Variants in GNAQ observed in about 807,000 individuals in gnomAD.
The protein encoded by GNAQ is G protein subunit alpha q, also known as guanine nucleotide-binding protein G(q) subunit alpha.
GNAQ carries 8 observed loss-of-function variants against 43.9 expected under a neutral mutation model. The ratio of observed to expected loss-of-function variants is 0.18; its 90% CI spans 0.11 to 0.33. GNAQ has a LOEUF of 0.33. Among genes scored for constraint, GNAQ ranks in the 10% least tolerant of loss-of-function variants. The pLI is 1.00. For synonymous variants in GNAQ, 155 were observed against 170.7 expected, an observed-to-expected ratio of 0.91 and a Z score of 0.71; for missense variants, 158 against 450.8, an observed-to-expected ratio of 0.35 and a Z score of 5.88.
At chr9:77,831,217 C>G (rs1827293045) in intron 2 of GNAQ, among the ~76,000 whole-genome samples, 1 of 152,154 alleles carries the variant, frequency 6.6e-6, no homozygotes, top group East Asian at 1.9e-4. Context: ...ACAAATTAAT[C>G]ATTTTTTAAA....
chr9:77,989,456 AG>A (rs1823482167), intron 1 of GNAQ, among the ~76,000 whole-genome samples: 1 of 152,356 alleles, frequency 6.6e-6, no homozygotes, highest in South Asian at 2.1e-4. Flanking sequence ...TGTGAGACTC[AG>A]GGAAGAACTG....
intron 3 of GNAQ, among the ~76,000 whole-genome samples, chr9:77,805,685 T>C (rs1826819035): frequency 6.6e-6 from 1 of 152,196 alleles, no homozygotes; most frequent in South Asian, 2.1e-4. Context: ...ATTACAGGCA[T>C]GAGCCACCGC....
chr9:77,955,949 G>T (rs1005388773), intron 1 of GNAQ, among the ~76,000 whole-genome samples: 5 of 152,274 alleles, frequency 3.3e-5, no homozygotes, highest in Non-Finnish European at 7.4e-5. Context: ...GGCAATTCCT[G>T]CCACGGCAAT....
intron 1 of GNAQ, among the ~76,000 whole-genome samples, chr9:78,030,082 G>T (rs1190881895): frequency 6.6e-6 from 1 of 151,962 alleles, no homozygotes; most frequent in Non-Finnish European, 1.5e-5. Context: ...TTCAAGACTA[G>T]AGGGAAATTT....
chr9:77,816,019 A>G (rs2118511685), intron 2 of GNAQ, among the ~76,000 whole-genome samples: 1 of 152,300 alleles, frequency 6.6e-6, no homozygotes, highest in Admixed American at 6.5e-5. Flanking sequence ...AAGGTGGCGT[A>G]TTCAGCTCTC....
At chr9:77,782,163 AAAACTT>A (rs1826404806) in intron 5 of GNAQ, among the ~76,000 whole-genome samples, 1 of 152,164 alleles carries the variant, frequency 6.6e-6, no homozygotes, top group Non-Finnish European at 1.5e-5. Flanking sequence ...CATGTACCCT[AAAACTT>A]AAAGTATAAT....
intron 2 of GNAQ, among the ~76,000 whole-genome samples, chr9:77,887,535 T>C (rs1828329469): frequency 6.6e-6 from 1 of 152,220 alleles, no homozygotes; most frequent in African/African-American, 2.4e-5. Flanking sequence ...CAGTTCTATA[T>C]GTAGTTTTGT....
chr9:77,934,453 T>G (rs182378450), intron 1 of GNAQ, among the ~76,000 whole-genome samples: 10 of 152,274 alleles, frequency 6.6e-5, no homozygotes, highest in Admixed American at 2.0e-4. Context: ...ACGTGGCTCT[T>G]CACTTTGAGC....
chr9:77,801,512 CT>C, intron 3 of GNAQ, among the ~76,000 whole-genome samples: 1 of 152,168 alleles, frequency 6.6e-6, no homozygotes, highest in South Asian at 2.1e-4. Context: ...ATTAAAGACG[CT>C]TCATAAATTT....
chr9:77,730,733 A>G (rs1474046278), intron 5 of GNAQ, among the ~76,000 whole-genome samples: 1 of 152,228 alleles, frequency 6.6e-6, no homozygotes, highest in Non-Finnish European at 1.5e-5. Flanking sequence ...AGACTTTAAC[A>G]TACCTTTATT....
At chr9:77,731,325 C>T (rs1825485008) in intron 5 of GNAQ, among the ~76,000 whole-genome samples, 4 of 152,164 alleles carry the variant, frequency 2.6e-5, no homozygotes, top group Admixed American at 2.6e-4. Context: ...CCCGACTGAG[C>T]CCAGCATTGT....
intron 3 of GNAQ, among the ~76,000 whole-genome samples, chr9:77,801,341 A>G (rs1222356207): frequency 6.6e-6 from 1 of 152,214 alleles, no homozygotes; most frequent in Non-Finnish European, 1.5e-5. Flanking sequence ...CATACTTGCA[A>G]GAATACTTTT....
chr9:77,966,224 A>T (rs919119451), intron 1 of GNAQ, among the ~76,000 whole-genome samples: 2 of 152,154 alleles, frequency 1.3e-5, no homozygotes, highest in Non-Finnish European at 2.9e-5. Flanking sequence ...TTTGATGAAT[A>T]TATTTGTTAT....
chr9:77,734,762 T>C (rs1172202310), intron 5 of GNAQ, among the ~76,000 whole-genome samples: 2 of 152,218 alleles, frequency 1.3e-5, no homozygotes, highest in Admixed American at 6.5e-5. Context: ...TCCCCTAAGC[T>C]TTCTGCTAAA....
intron 1 of GNAQ, among the ~76,000 whole-genome samples, chr9:78,012,238 CTTT>C (rs1166567926): frequency 3.7e-5 from 5 of 135,146 alleles, no homozygotes; most frequent in Admixed American, 7.5e-5. Flanking sequence ...AAGGCATTTT[CTTT>C]TTTTTTTTTT....
At chr9:77,809,849 A>G (rs1353782046) in intron 3 of GNAQ, among the ~76,000 whole-genome samples, 1 of 152,058 alleles carries the variant, frequency 6.6e-6, no homozygotes, top group Non-Finnish European at 1.5e-5. Context: ...GATTGTCTGG[A>G]TTTTGGGGGA....
intron 5 of GNAQ, among the ~76,000 whole-genome samples, chr9:77,730,258 C>T (rs1452502574): frequency 6.6e-6 from 1 of 152,162 alleles, no homozygotes; most frequent in Non-Finnish European, 1.5e-5. Context: ...CAAACTTATA[C>T]AAGGAAGTGA....
In GNAQ at chr9:77,946,450, C is replaced by A. The variant is rs149568913; in HGVS notation, c.137-24105G>T. Among the ~76,000 whole-genome samples, 60 of 152,126 alleles carry A rather than the reference C, an allele frequency of 3.9e-4. No homozygotes were observed. In the East Asian group the frequency reaches 0.011, roughly 27 times the overall value. ...TCTTAAGATTCCACATTTCCAAAAA[C>A]CCCAAAAACACCCAGGCAAAGGAAA... is the stretch of plus-strand genomic sequence containing the variant. On this transcript the variant is annotated intron_variant, in intron 1 of 6. Coordinates refer to ENST00000286548, the MANE Select transcript of GNAQ (RefSeq NM_002072.5).
At chr9:78,005,860 TGTATTACAAGAAA>T (rs1587457321) in intron 1 of GNAQ, among the ~76,000 whole-genome samples, 1 of 152,142 alleles carries the variant, frequency 6.6e-6, no homozygotes, top group East Asian at 1.9e-4. Context: ...ATGGCTACAA[TGTATTACAAGAAA>T]GCAAAATGCA....
Sources: gnomAD v4.1 joint callset for allele counts (sites outside exome capture counted in the v4.1 genomes callset) on GRCh38, gnomAD v4.1.1 for gene constraint, MANE v1.5 for transcripts, NCBI Gene and HGNC (gene_info 2026-07-23, HGNC 2026-07-21) for gene names.